The following FBXO38 variants were observed in gnomAD, a reference collection of about 807,000 sequenced individuals.
FBXO38 encodes the protein F-box protein 38.
A neutral mutation model predicts 131.9 loss-of-function variants in FBXO38; 53 were observed. That is an observed-to-expected ratio of 0.40 (90% CI 0.32 to 0.51). FBXO38 has a LOEUF of 0.51. Among genes scored for constraint, FBXO38 ranks in the 20% least tolerant of loss-of-function variants. FBXO38 has a pLI of 0.53. For synonymous variants in FBXO38, 452 were observed against 505.6 expected, an observed-to-expected ratio of 0.89 and a Z score of 1.42; for missense variants, 1,076 against 1,475.6, an observed-to-expected ratio of 0.73 and a Z score of 4.44.
intron 9 of FBXO38, chr5:148,413,727 T>C (rs546842682): frequency 6.5e-6 from 1 of 154,964 alleles, no homozygotes; most frequent in South Asian, 2.0e-4. Context: ...TCTACACATG[T>C]CCACACTGGG....
intron 12 of FBXO38, 88 bp downstream of exon 12, chr5:148,417,292 G>GT: frequency 1.1e-6 from 1 of 928,124 alleles, no homozygotes; most frequent in Non-Finnish European, 1.7e-6. Context: ...TTTTTCCCCT[G>GT]TTTCAACTTG....
chr5:148,401,841 A>G (rs887692195), intron 3 of FBXO38, 141 bp from the exon 4 acceptor site: 1 of 633,434 alleles, frequency 1.6e-6, no homozygotes, highest in African/African-American at 1.8e-5. Flanking sequence ...ATTTTCTGTT[A>G]TGTTTATTCA....
intron 8 of FBXO38, 25 bp from the exon 9 acceptor site, chr5:148,410,610 A>G (rs1752695563): frequency 1.9e-6 from 3 of 1,613,172 alleles, no homozygotes; most frequent in South Asian, 1.1e-5. Context: ...TTTTACTCTG[A>G]TATGTTCTCT....
Position 148,427,407 on chromosome 5 carries a change from A to C in FBXO38, c.2113A>C (p.Ser705Arg), listed in dbSNP as rs1753772164. The C allele has an allele frequency of 6.2e-7, 1 of 1,614,078 alleles. No homozygotes were observed. Among genetic ancestry groups the C allele is most frequent in the African/African-American group, 1.3e-5 (1 of 74,940 alleles). The change falls in exon 15 of 22, where the codon AGC (serine) becomes CGC (arginine). Residue 705 changes from serine (S) to arginine (R), a missense_variant. Physicochemically the swap from Ser to Arg is moderately radical, Grantham distance 110. This residue lies in a region of FBXO38 where 213 missense variants were observed against 225.2 expected (regional missense o/e 0.95). Transcript: ENST00000340253. ...AAACAAGGATGTTTATCCCAGCTGC[A>C]GCAGCACCACCGCCAGCACAGTGGG... ...KKNKDVYPSC[S>R]STTASTVGNS...
At chr5:148,405,941 T>C (rs1752421745) in intron 6 of FBXO38, among the ~76,000 whole-genome samples, 2 of 152,230 alleles carry the variant, frequency 1.3e-5, no homozygotes, top group South Asian at 4.1e-4. Context: ...ATGATTGAGC[T>C]GTTTACTTGA....
chr5:148,404,968 A>G (rs1475872096), intron 6 of FBXO38, 146 bp downstream of exon 6: 1 of 693,540 alleles, frequency 1.4e-6, no homozygotes, highest in Non-Finnish European at 2.1e-6. Flanking sequence ...AGATAAATGT[A>G]CTTTTTGTTT....
At chr5:148,415,799 A>G in intron 10 of FBXO38, 129 bp from the exon 11 acceptor site, 1 of 876,432 alleles carries the variant, frequency 1.1e-6, no homozygotes. Context: ...GGGTTTTAGA[A>G]GTCATGAAAA....
At chr5:148,389,216 A>G (rs756166451) in intron 1 of FBXO38, among the ~76,000 whole-genome samples, 6 of 152,220 alleles carry the variant, frequency 3.9e-5, no homozygotes, top group Non-Finnish European at 5.9e-5. Flanking sequence ...ATCACTGATC[A>G]TAGATCACCG....
Position 148,385,577 on chromosome 5 carries a change from A to G in FBXO38, c.-64+1538A>G, listed in dbSNP as rs1358665481. 2.6e-5 allele frequency among the ~76,000 whole-genome samples: 4 copies of G among 152,172 alleles called. No individual in the cohort carries two copies. In the East Asian group the frequency reaches 7.7e-4, roughly 29 times the overall value. On this transcript the variant is annotated intron_variant, in intron 1 of 21. Coordinates refer to ENST00000340253, the MANE Select transcript of FBXO38 (RefSeq NM_205836.3). The stretch of plus-strand genomic sequence containing the variant: ...TCTGTAAAACGAAGGGTTGAGCTGG[A>G]TGATTCCTAGGCCTTTTTCAGCACC...
intron 13 of FBXO38, among the ~76,000 whole-genome samples, chr5:148,424,745 C>T (rs1021802664): frequency 2.0e-5 from 3 of 152,106 alleles, no homozygotes; most frequent in African/African-American, 7.2e-5. Flanking sequence ...GTCTTTGAAT[C>T]GAAAATATGC....
chr5:148,437,106 T>C (rs761269087), intron 17 of FBXO38, among the ~76,000 whole-genome samples: 2 of 152,252 alleles, frequency 1.3e-5, no homozygotes, highest in Non-Finnish European at 2.9e-5. Flanking sequence ...CTTTTTACTT[T>C]GATGATTTCT....
chr5:148,420,941 G>A (rs1394513150), intron 12 of FBXO38, among the ~76,000 whole-genome samples: 1 of 151,888 alleles, frequency 6.6e-6, no homozygotes, highest in African/African-American at 2.4e-5. Context: ...ACAGGTGTGA[G>A]CCACTGCACC....
intron 15 of FBXO38, 76 bp from the exon 16 acceptor site, chr5:148,433,348 C>G (rs1484825825): frequency 1.0e-6 from 1 of 960,916 alleles, no homozygotes; most frequent in Non-Finnish European, 1.7e-6. Context: ...TATGTTCATA[C>G]GTATGTGATT....
At chr5:148,418,367 G>A (rs1481598837) in intron 12 of FBXO38, among the ~76,000 whole-genome samples, 3 of 152,080 alleles carry the variant, frequency 2.0e-5, no homozygotes, top group East Asian at 3.9e-4. Context: ...CAAGGTTTTA[G>A]TACCAACTAT....
At chr5:148,437,643 A>C (rs1347893090) in intron 17 of FBXO38, among the ~76,000 whole-genome samples, 1 of 152,226 alleles carries the variant, frequency 6.6e-6, no homozygotes, top group Non-Finnish European at 1.5e-5. Context: ...TGGAGATTAA[A>C]AAAAGAGAAG....
chr5:148,391,160 T>C (rs1758177152), intron 1 of FBXO38, among the ~76,000 whole-genome samples: 1 of 152,208 alleles, frequency 6.6e-6, no homozygotes, highest in Non-Finnish European at 1.5e-5. Flanking sequence ...TATAAGTTTG[T>C]TGCTGAGATC....
At chr5:148,439,048 A>G (rs1294983186) in intron 18 of FBXO38, among the ~76,000 whole-genome samples, 1 of 152,192 alleles carries the variant, frequency 6.6e-6, no homozygotes, top group African/African-American at 2.4e-5. Flanking sequence ...CATATTGTCA[A>G]GTGTCTCAAA....
chr5:148,418,581 C>T (rs1010920859), intron 12 of FBXO38, among the ~76,000 whole-genome samples: 1 of 152,048 alleles, frequency 6.6e-6, no homozygotes, highest in South Asian at 2.1e-4. Context: ...AAAGAGAGGG[C>T]GAGACAGTCA....
intron 5 of FBXO38, 126 bp from the exon 6 acceptor site, chr5:148,404,559 G>T: frequency 2.6e-6 from 2 of 779,496 alleles, no homozygotes; most frequent in Non-Finnish European, 3.7e-6. Flanking sequence ...TGTATAATTT[G>T]TTCGGATAAA....
Sources: gnomAD v4.1 joint callset for allele counts (sites outside exome capture counted in the v4.1 genomes callset) on GRCh38, gnomAD v4.1.1 for gene constraint, gnomAD v4.1.1 regional missense constraint, MANE v1.5 for transcripts, NCBI Gene and HGNC (gene_info 2026-07-23, HGNC 2026-07-21) for gene names.